Variants in SLC35D4 observed in about 807,000 individuals in gnomAD.
The protein encoded by SLC35D4 is solute carrier family 35 member D4.
At chr18:23,370,204 A>G in the SLC35D4 span, 1 of 1,601,636 alleles carries the variant, frequency 6.2e-7, no homozygotes. Context: ...GAAAAAAAAA[A>G]AAAGAGTTTA....
chr18:23,350,536 T>C, the SLC35D4 span, among the ~76,000 whole-genome samples: 2 of 152,096 alleles, frequency 1.3e-5, no homozygotes, highest in Non-Finnish European at 2.9e-5. Context: ...TCACTACTGC[T>C]CATATACACA....
At chr18:23,355,966 A>G in the SLC35D4 span, among the ~76,000 whole-genome samples, 1 of 152,330 alleles carries the variant, frequency 6.6e-6, no homozygotes, top group African/African-American at 2.4e-5. Flanking sequence ...GATGAGGTCA[A>G]GCAGAGTGGT....
the SLC35D4 span, among the ~76,000 whole-genome samples, chr18:23,408,148 GACACACACAC>G: frequency 5.5e-3 from 751 of 136,314 alleles, 11 homozygotes; most frequent in African/African-American, 0.022. Flanking sequence ...ACTGGCCTGA[GACACACACAC>G]ACACACACAC....
At chr18:23,262,428 T>A in the SLC35D4 span, among the ~76,000 whole-genome samples, 3 of 152,188 alleles carry the variant, frequency 2.0e-5, no homozygotes. Context: ...GGAGCACAAT[T>A]CTCTACTGTA....
At chr18:23,346,050 T>C in the SLC35D4 span, among the ~76,000 whole-genome samples, 42 of 152,068 alleles carry the variant, frequency 2.8e-4, no homozygotes, top group Non-Finnish European at 4.0e-4. Context: ...ATGGGAGGAT[T>C]GCTTGAGGCC....
At chr18:23,345,045 T>C in the SLC35D4 span, among the ~76,000 whole-genome samples, 1 of 152,206 alleles carries the variant, frequency 6.6e-6, no homozygotes, top group African/African-American at 2.4e-5. Context: ...TTTGTTATGT[T>C]TTCTTCTAAT....
the SLC35D4 span, among the ~76,000 whole-genome samples, chr18:23,313,853 C>G: frequency 6.6e-6 from 1 of 152,208 alleles, no homozygotes; most frequent in Non-Finnish European, 1.5e-5. Context: ...GACTCTCAAG[C>G]CACACCAGTC....
At chr18:23,410,284 T>C in the SLC35D4 span, among the ~76,000 whole-genome samples, 5 of 151,574 alleles carry the variant, frequency 3.3e-5, no homozygotes, top group African/African-American at 7.3e-5. Context: ...GAGACCATCC[T>C]GGCTAACACA....
the SLC35D4 span, among the ~76,000 whole-genome samples, chr18:23,335,756 C>T: frequency 1.3e-5 from 2 of 152,198 alleles, no homozygotes; most frequent in Non-Finnish European, 2.9e-5. Context: ...ATAAACCAAG[C>T]ACACATCAAT....
At chr18:23,401,846 C>T in the SLC35D4 span, among the ~76,000 whole-genome samples, 2 of 152,174 alleles carry the variant, frequency 1.3e-5, no homozygotes, top group African/African-American at 4.8e-5. Flanking sequence ...AGAAAACATG[C>T]CTAGGGAACA....
chr18:23,394,063 G>T, the SLC35D4 span, among the ~76,000 whole-genome samples: 1 of 152,170 alleles, frequency 6.6e-6, no homozygotes, highest in Non-Finnish European at 1.5e-5. Flanking sequence ...GTTCTTTTGG[G>T]TATACATCCA....
chr18:23,275,241 C>CA, the SLC35D4 span, among the ~76,000 whole-genome samples: 1 of 152,096 alleles, frequency 6.6e-6, no homozygotes, highest in African/African-American at 2.4e-5. Context: ...CTCATGCACT[C>CA]ACACGGCCAG....
At chr18:23,265,567 A>C in the SLC35D4 span, among the ~76,000 whole-genome samples, 1,635 of 152,048 alleles carry the variant, frequency 0.011, 36 homozygotes, top group African/African-American at 0.038. Flanking sequence ...AAAAAAAAAA[A>C]AAAAAACCAG....
the SLC35D4 span, among the ~76,000 whole-genome samples, chr18:23,321,076 C>T: frequency 6.6e-6 from 1 of 152,142 alleles, no homozygotes; most frequent in Admixed American, 6.5e-5. Context: ...CCTAATATTT[C>T]CTCTTTTTGG....
At chr18:23,288,185 A>T in the SLC35D4 span, among the ~76,000 whole-genome samples, 4 of 151,886 alleles carry the variant, frequency 2.6e-5, no homozygotes, top group Non-Finnish European at 5.9e-5. Flanking sequence ...CCTGACGTTC[A>T]CCCCATTTCC....
chr18:23,246,423 GC>G, the SLC35D4 span, among the ~76,000 whole-genome samples: 1 of 151,608 alleles, frequency 6.6e-6, no homozygotes, highest in South Asian at 2.1e-4. Flanking sequence ...ACGGAGTCTT[GC>G]TCTGTCGCCC....
chr18:23,315,566 A>G, the SLC35D4 span, among the ~76,000 whole-genome samples: 1 of 152,258 alleles, frequency 6.6e-6, no homozygotes, highest in Non-Finnish European at 1.5e-5. Context: ...GCACCAGATA[A>G]TCAGAGCTGG....
the SLC35D4 span, among the ~76,000 whole-genome samples, chr18:23,310,810 A>G: frequency 6.2e-3 from 950 of 152,250 alleles, 7 homozygotes; most frequent in Middle Eastern, 0.014. Context: ...TCATGATAGG[A>G]TATAAACATG....
At chr18:23,266,891 C>T in the SLC35D4 span, among the ~76,000 whole-genome samples, 6 of 152,360 alleles carry the variant, frequency 3.9e-5, no homozygotes, top group South Asian at 2.1e-4. Flanking sequence ...GAGGCTCCCT[C>T]GCCGAAGCTC....
Sources: gnomAD v4.1 joint callset for allele counts (sites outside exome capture counted in the v4.1 genomes callset) on GRCh38, gnomAD v4.1.1 for gene constraint, MANE v1.5 for transcripts, NCBI Gene and HGNC (gene_info 2026-07-23, HGNC 2026-07-21) for gene names.